The following NKAIN2 variants were observed in gnomAD, a reference collection of about 807,000 sequenced individuals.
NKAIN2 encodes the protein sodium/potassium-transporting ATPase subunit beta-1-interacting protein 2.
Under a neutral mutation model 32.6 loss-of-function variants are expected in NKAIN2, and 14 were observed. That is an observed-to-expected ratio of 0.43 (90% CI 0.28 to 0.67). The LOEUF is 0.67. Ranked by LOEUF, NKAIN2 falls within the 30% of genes least tolerant of loss-of-function variation. The pLI is 0.17. For synonymous variants in NKAIN2, 80 were observed against 87.2 expected (o/e 0.92, Z 0.46); for missense variants, 198 against 258.3 (o/e 0.77, Z 1.60).
chr6:123,848,837 A>G (rs1775199031), intron 1 of NKAIN2, among the ~76,000 whole-genome samples: 1 of 152,186 alleles, frequency 6.6e-6, no homozygotes, highest in African/African-American at 2.4e-5. Flanking sequence ...AGATTTGGAG[A>G]GAAAGAGCTG....
intron 1 of NKAIN2, among the ~76,000 whole-genome samples, chr6:124,009,003 A>G (rs558805320): frequency 5.9e-5 from 9 of 152,352 alleles, no homozygotes; most frequent in African/African-American, 1.9e-4. Context: ...ACGGTATTCC[A>G]TAAGTCTTTA....
Position 124,279,253 on chromosome 6 carries a change from C to A in NKAIN2, c.55-3752C>A, listed in dbSNP as rs111396727. The stretch of plus-strand genomic sequence containing the variant: ...CCAGGTGCAGTGGCTCACACCTGTA[C>A]TCTCAGCACTTTGGGAGGCCGACGT... On this transcript the variant is annotated intron_variant, in intron 1 of 6. Coordinates refer to ENST00000368417, the MANE Select transcript of NKAIN2 (RefSeq NM_001040214.3). 6.2e-3 allele frequency among the ~76,000 whole-genome samples: 943 copies of A among 152,058 alleles called. 9 individuals are homozygous for A. Among genetic ancestry groups the A allele is most frequent in the African/African-American group, 0.021 (890 of 41,512 alleles).
intron 1 of NKAIN2, among the ~76,000 whole-genome samples, chr6:124,278,969 T>C (rs1022763144): frequency 2.6e-5 from 4 of 152,172 alleles, no homozygotes; most frequent in East Asian, 3.9e-4. Context: ...TGCTAATGTA[T>C]AAAAACCTCA....
chr6:124,430,188 C>T (rs1270141063), intron 3 of NKAIN2, among the ~76,000 whole-genome samples: 1 of 151,990 alleles, frequency 6.6e-6, no homozygotes, highest in Non-Finnish European at 1.5e-5. Context: ...TTTCTGTCAA[C>T]TAAAAAAATA....
chr6:123,980,153 A>G (rs113576767), intron 1 of NKAIN2, among the ~76,000 whole-genome samples: 1 of 152,274 alleles, frequency 6.6e-6, no homozygotes, highest in Non-Finnish European at 1.5e-5. Context: ...GTGTTTCATT[A>G]TAGAAGCCAG....
chr6:123,929,232 G>A (rs181433321), intron 1 of NKAIN2, among the ~76,000 whole-genome samples: 160 of 152,272 alleles, frequency 1.1e-3, no homozygotes, highest in Non-Finnish European at 1.8e-3. Context: ...TAATAAATTA[G>A]TAACTGCATG....
chr6:124,671,172 A>C (rs1418945959), intron 4 of NKAIN2, among the ~76,000 whole-genome samples: 1 of 152,104 alleles, frequency 6.6e-6, no homozygotes, highest in East Asian at 1.9e-4. Context: ...CTATGTATAC[A>C]ACCCACACAT....
chr6:124,680,998 A>G (rs1430995139), intron 4 of NKAIN2, among the ~76,000 whole-genome samples: 2 of 152,048 alleles, frequency 1.3e-5, no homozygotes, highest in Admixed American at 6.6e-5. Context: ...AAATGATTCT[A>G]GTTAATCCCA....
intron 1 of NKAIN2, among the ~76,000 whole-genome samples, chr6:123,845,685 C>A (rs908516150): frequency 6.6e-6 from 1 of 152,074 alleles, no homozygotes; most frequent in East Asian, 1.9e-4. Context: ...TTTGTAGGTC[C>A]GACTGTAGGA....
chr6:124,021,212 G>C (rs911382615), intron 1 of NKAIN2, among the ~76,000 whole-genome samples: 4 of 150,822 alleles, frequency 2.7e-5, no homozygotes, highest in Admixed American at 2.6e-4. Context: ...TAAAAAGTTT[G>C]ATTAGTGGGT....
At chr6:124,319,826 C>G (rs938684157) in intron 2 of NKAIN2, among the ~76,000 whole-genome samples, 3 of 152,060 alleles carry the variant, frequency 2.0e-5, no homozygotes, top group African/African-American at 7.2e-5. Flanking sequence ...AATGTCAACT[C>G]TTTTTAATTT....
chr6:123,887,123 C>T (rs1050487190), intron 1 of NKAIN2, among the ~76,000 whole-genome samples: 4 of 152,038 alleles, frequency 2.6e-5, no homozygotes, highest in African/African-American at 9.7e-5. Flanking sequence ...AGATTTCTTT[C>T]GAGCATTACA....
At chr6:124,354,314 T>G (rs1164978099) in intron 2 of NKAIN2, among the ~76,000 whole-genome samples, 21 of 152,212 alleles carry the variant, frequency 1.4e-4, no homozygotes, top group Admixed American at 1.4e-3. Flanking sequence ...ATCATTGGTC[T>G]TTGCATTCTC....
At chr6:124,074,557 G>C (rs1783605511) in intron 1 of NKAIN2, among the ~76,000 whole-genome samples, 1 of 152,198 alleles carries the variant, frequency 6.6e-6, no homozygotes, top group Non-Finnish European at 1.5e-5. Flanking sequence ...TGGAAGGGCT[G>C]TGCAAGTGAG....
chr6:123,837,470 A>C (rs1774678927), intron 1 of NKAIN2, among the ~76,000 whole-genome samples: 1 of 152,038 alleles, frequency 6.6e-6, no homozygotes, highest in South Asian at 2.1e-4. Context: ...CATTGTGTTG[A>C]TTCTACCTTT....
chr6:124,071,856 A>G (rs1214242382), intron 1 of NKAIN2, among the ~76,000 whole-genome samples: 1 of 152,204 alleles, frequency 6.6e-6, no homozygotes, highest in African/African-American at 2.4e-5. Context: ...GAGGAAAGAA[A>G]ACACATATAC....
chr6:124,450,695 A>G (rs1776070622), intron 3 of NKAIN2, among the ~76,000 whole-genome samples: 1 of 151,960 alleles, frequency 6.6e-6, no homozygotes. Flanking sequence ...GCATTTAAAT[A>G]CAGTGAAAAT....
At chr6:124,011,131 T>TAA (rs1780303713) in intron 1 of NKAIN2, among the ~76,000 whole-genome samples, 1 of 152,172 alleles carries the variant, frequency 6.6e-6, no homozygotes, top group African/African-American at 2.4e-5. Flanking sequence ...CAAACAACTT[T>TAA]AGTTCATGAC....
At chr6:124,473,593 G>A (rs73772134) in intron 3 of NKAIN2, among the ~76,000 whole-genome samples, 2,218 of 152,152 alleles carry the variant, frequency 0.015, 47 homozygotes, top group African/African-American at 0.051. Flanking sequence ...TTACATAGCT[G>A]TTTTACAAAT....
Sources: allele counts gnomAD v4.1 joint callset (sites outside exome capture counted in the v4.1 genomes callset), GRCh38; gene constraint gnomAD v4.1.1; transcripts MANE v1.5; gene names NCBI Gene and HGNC (gene_info 2026-07-23, HGNC 2026-07-21).